Variants in CNTN6 observed in about 807,000 individuals in gnomAD.
CNTN6 encodes contactin-6.
A neutral mutation model predicts 122.8 loss-of-function variants in CNTN6; 137 were observed. The ratio of observed to expected loss-of-function variants is 1.12; its 90% CI spans 0.97 to 1.29. The LOEUF is 1.29. Among genes scored for constraint, CNTN6 ranks in the 50% most tolerant of loss-of-function variants. The pLI is 0.00. For missense variants in CNTN6, 1,634 were observed against 1,223.4 expected (o/e 1.34, Z -5.01); for synonymous variants, 570 against 426.0 (o/e 1.34, Z -4.16).
At chr3:1,334,443 C>T (rs938367646) in intron 11 of CNTN6, among the ~76,000 whole-genome samples, 2 of 150,938 alleles carry the variant, frequency 1.3e-5, no homozygotes, top group African/African-American at 4.9e-5. Context: ...ATGAAAACAA[C>T]TTTAGGAAAT....
At chr3:1,273,691 T>G (rs1270557532) in intron 4 of CNTN6, among the ~76,000 whole-genome samples, 1 of 152,212 alleles carries the variant, frequency 6.6e-6, no homozygotes, top group East Asian at 1.9e-4. Context: ...CTACTAACAT[T>G]TTGGAATGAC....
chr3:1,271,034 C>T (rs919680224), intron 4 of CNTN6, among the ~76,000 whole-genome samples: 1 of 152,106 alleles, frequency 6.6e-6, no homozygotes, highest in Non-Finnish European at 1.5e-5. Flanking sequence ...CATGCCACCA[C>T]ATTAGACTAT....
intron 11 of CNTN6, among the ~76,000 whole-genome samples, chr3:1,334,550 T>C (rs1702776283): frequency 6.6e-6 from 1 of 152,126 alleles, no homozygotes; most frequent in Non-Finnish European, 1.5e-5. Flanking sequence ...TTGAAAGTTC[T>C]ATCTTAGTTA....
intron 4 of CNTN6, among the ~76,000 whole-genome samples, chr3:1,260,021 G>A (rs967428139): frequency 6.6e-6 from 1 of 151,992 alleles, no homozygotes; most frequent in Admixed American, 6.6e-5. Flanking sequence ...AGTTCTTAAG[G>A]GTCATGTAGG....
chr3:1,384,748 C>CACATATATAT (rs1197925743), intron 19 of CNTN6, among the ~76,000 whole-genome samples: 2 of 87,092 alleles, frequency 2.3e-5, no homozygotes, highest in Non-Finnish European at 4.4e-5. Context: ...TACATATATA[C>CACATATATAT]ACATATATAT....
At chr3:1,316,956 A>G (rs965138620) in intron 7 of CNTN6, among the ~76,000 whole-genome samples, 4 of 151,908 alleles carry the variant, frequency 2.6e-5, no homozygotes, top group Non-Finnish European at 4.4e-5. Flanking sequence ...ATTAAAATGC[A>G]TACATATTTT....
In CNTN6 at chr3:1,314,850, A is replaced by G. The variant is rs747314356; in HGVS notation, c.762-6800A>G. ...ATCACATTTCAGGCAACCTTCATTT[A>G]GAAAATAGGAACAAAATAAGAAAAG... On this transcript the variant is annotated intron_variant, in intron 7 of 22. Coordinates refer to ENST00000446702, the MANE Select transcript of CNTN6 (RefSeq NM_001289080.2). Among the ~76,000 whole-genome samples the G allele has an allele frequency of 5.3e-4, 80 of 152,102 alleles. 2 individuals carry two copies. The highest frequency in any genetic ancestry group is 1.6e-4 in the Non-Finnish European group (11 of 67,998).
At chr3:1,127,435 C>T (rs1259966640) in intron 1 of CNTN6, among the ~76,000 whole-genome samples, 1 of 151,778 alleles carries the variant, frequency 6.6e-6, no homozygotes, top group African/African-American at 2.4e-5. Context: ...GTTACCTAGT[C>T]AAATTTATCT....
intron 12 of CNTN6, among the ~76,000 whole-genome samples, chr3:1,353,494 A>G (rs527775361): frequency 1.8e-4 from 28 of 151,778 alleles, no homozygotes; most frequent in African/African-American, 6.7e-4. Flanking sequence ...TTGGTGTGTC[A>G]AAATCCAACC....
At chr3:1,383,551 C>G in intron 19 of CNTN6, 143 bp downstream of exon 19, 1 of 648,700 alleles carries the variant, frequency 1.5e-6, no homozygotes, top group Non-Finnish European at 2.7e-6. Context: ...GAAGTTGAGA[C>G]AGGGTAGGTG....
At chr3:1,118,053 A>G (rs1242096843) in intron 1 of CNTN6, among the ~76,000 whole-genome samples, 1 of 152,154 alleles carries the variant, frequency 6.6e-6, no homozygotes, top group Non-Finnish European at 1.5e-5. Context: ...AAGGCAATCT[A>G]AACAAATACC....
At chr3:1,118,930 A>T (rs1386717178) in intron 1 of CNTN6, among the ~76,000 whole-genome samples, 1 of 152,160 alleles carries the variant, frequency 6.6e-6, no homozygotes, top group African/African-American at 2.4e-5. Flanking sequence ...TTATTTACAA[A>T]TGTAATCTCT....
intron 12 of CNTN6, among the ~76,000 whole-genome samples, chr3:1,368,219 C>T (rs116550254): frequency 0.012 from 1,811 of 152,152 alleles, 42 homozygotes; most frequent in African/African-American, 0.041. Flanking sequence ...TTGAACTATA[C>T]GAAAATCATG....
chr3:1,268,550 T>C (rs539586305), intron 4 of CNTN6, among the ~76,000 whole-genome samples: 1 of 135,338 alleles, frequency 7.4e-6, no homozygotes, highest in Non-Finnish European at 1.5e-5. Flanking sequence ...GAGCTTGCAG[T>C]GAGCCGAGAT....
intron 11 of CNTN6, among the ~76,000 whole-genome samples, chr3:1,350,999 TTAAA>T (rs1254308412): frequency 2.0e-5 from 3 of 151,774 alleles, no homozygotes; most frequent in Admixed American, 6.6e-5. Flanking sequence ...ATCTCAGAAA[TTAAA>T]TAAGACATTA....
At chr3:1,401,308 T>A in intron 20 of CNTN6, 125 bp from the exon 21 acceptor site, 1 of 716,054 alleles carries the variant, frequency 1.4e-6, no homozygotes, top group African/African-American at 1.8e-5. Flanking sequence ...CAAATGACAC[T>A]GAAGACATTT....
chr3:1,348,032 C>G (rs1407166049), intron 11 of CNTN6, among the ~76,000 whole-genome samples: 2 of 151,468 alleles, frequency 1.3e-5, no homozygotes, highest in Non-Finnish European at 2.9e-5. Context: ...GAAATCAGTT[C>G]ATTGAAAGCC....
In CNTN6 at chr3:1,352,467, C is replaced by G; in HGVS notation, c.1492+16C>G. ...ATTGTAAAAGGTATCATATTATCTT[C>G]ATTTGTGCTTGATGAACATTGTAAA... On this transcript the variant is annotated intron_variant, in intron 12 of 22. Transcript: ENST00000446702. 6.2e-7 allele frequency: 1 copy of G among 1,608,840 alleles called. No homozygotes were observed. The highest frequency in any genetic ancestry group is 8.5e-7 in the Non-Finnish European group (1 of 1,176,596).
intron 5 of CNTN6, 39 bp downstream of exon 5, chr3:1,278,547 C>T: frequency 7.1e-7 from 1 of 1,414,914 alleles, no homozygotes; most frequent in South Asian, 1.2e-5. Flanking sequence ...TCAATGCGGT[C>T]ACTTGGAGAG....
Sources: gnomAD v4.1 joint callset for allele counts (sites outside exome capture counted in the v4.1 genomes callset) on GRCh38, gnomAD v4.1.1 for gene constraint, MANE v1.5 for transcripts, NCBI Gene and HGNC (gene_info 2026-07-23, HGNC 2026-07-21) for gene names.